Variants in UIMC1 observed in about 807,000 individuals in gnomAD.
UIMC1 encodes the protein BRCA1-A complex subunit RAP80.
UIMC1 carries 42 observed loss-of-function variants against 84.9 expected under a neutral mutation model. That is an observed-to-expected ratio of 0.49 (90% confidence interval 0.39 to 0.64). The LOEUF is 0.64. UIMC1 is among the 30% of genes least tolerant of loss of function. UIMC1 has a pLI of 0.00. For synonymous variants in UIMC1, 281 were observed against 293.0 expected, an observed-to-expected ratio of 0.96 and a Z score of 0.42; for missense variants, 825 against 847.6, an observed-to-expected ratio of 0.97 and a Z score of 0.33.
At chr5:176,982,389 A>C in intron 2 of UIMC1, 80 bp downstream of exon 2, 1 of 1,494,956 alleles carries the variant, frequency 6.7e-7, no homozygotes, top group Non-Finnish European at 9.0e-7. Flanking sequence ...AGGTGAAGTC[A>C]GTCACGAAAC....
chr5:176,933,264 T>A (rs1464780392), intron 10 of UIMC1, among the ~76,000 whole-genome samples: 2 of 152,298 alleles, frequency 1.3e-5, no homozygotes, highest in South Asian at 2.1e-4. Context: ...GAATTCTTCT[T>A]CGAAGAAGAA....
chr5:176,933,195 C>T (rs1371402406), intron 10 of UIMC1, among the ~76,000 whole-genome samples: 1 of 152,138 alleles, frequency 6.6e-6, no homozygotes, highest in Non-Finnish European at 1.5e-5. Flanking sequence ...TTATAAAGAA[C>T]TTGTATAAAC....
intron 10 of UIMC1, among the ~76,000 whole-genome samples, chr5:176,925,840 T>C (rs546324849): frequency 5.9e-5 from 9 of 152,320 alleles, no homozygotes; most frequent in Non-Finnish European, 1.3e-4. Flanking sequence ...TATACGCATA[T>C]GCCCAAACTC....
intron 1 of UIMC1, among the ~76,000 whole-genome samples, chr5:177,005,776 T>C (rs1775167953): frequency 6.6e-6 from 1 of 152,062 alleles, no homozygotes; most frequent in Admixed American, 6.6e-5. Flanking sequence ...CATTTCTATA[T>C]CTCGGTGCGA....
chr5:177,009,005 G>GT (rs1411410084), upstream of UIMC1, among the ~76,000 whole-genome samples: 11 of 151,478 alleles, frequency 7.3e-5, no homozygotes, highest in African/African-American at 2.4e-4. This position sits in a 1 kb window ranked among gnomAD's most constrained non-coding sequence, Gnocchi z 4.3. Context: ...TATGTTTATG[G>GT]TTTTTTGGTG....
chr5:176,975,828 A>T (rs1769974243), intron 2 of UIMC1, among the ~76,000 whole-genome samples: 1 of 152,234 alleles, frequency 6.6e-6, no homozygotes, highest in Admixed American at 6.5e-5. Flanking sequence ...CTCAGCGTGT[A>T]TTCATTTATT....
At chr5:176,907,009 G>T in intron 13 of UIMC1, 105 bp downstream of exon 13, 2 of 1,178,194 alleles carry the variant, frequency 1.7e-6, no homozygotes, top group Non-Finnish European at 2.5e-6. Context: ...ACTGGATCAC[G>T]TGTGTACCCA....
intron 1 of UIMC1, among the ~76,000 whole-genome samples, chr5:176,994,336 G>T (rs1201855741): frequency 2.0e-5 from 3 of 152,004 alleles, no homozygotes; most frequent in Non-Finnish European, 2.9e-5. Context: ...TATTCATCAA[G>T]AAATTACAAA....
intron 2 of UIMC1, among the ~76,000 whole-genome samples, chr5:176,975,980 C>T (rs905256202): frequency 6.6e-6 from 1 of 151,826 alleles, no homozygotes; most frequent in East Asian, 1.9e-4. Flanking sequence ...ACAAAATAAT[C>T]AAGAAAACAA....
chr5:176,979,248 T>C (rs1770636222), intron 2 of UIMC1, among the ~76,000 whole-genome samples: 1 of 152,214 alleles, frequency 6.6e-6, no homozygotes, highest in Non-Finnish European at 1.5e-5. Flanking sequence ...ACGTATGCTG[T>C]TCAGGGATAC....
chr5:176,987,825 C>CA (rs908974732), intron 1 of UIMC1, among the ~76,000 whole-genome samples: 90 of 139,344 alleles, frequency 6.5e-4, no homozygotes, highest in South Asian at 5.7e-3. Context: ...CCCTGTCTCA[C>CA]AAAAAAAAAA....
At chr5:176,975,028 T>C (rs1769848998) in intron 3 of UIMC1, among the ~76,000 whole-genome samples, 2 of 151,722 alleles carry the variant, frequency 1.3e-5, no homozygotes, top group African/African-American at 4.8e-5. Flanking sequence ...TGGGGCATAG[T>C]TGGGAAGCTG....
At chr5:176,992,153 C>A (rs1772962472) in intron 1 of UIMC1, among the ~76,000 whole-genome samples, 1 of 152,068 alleles carries the variant, frequency 6.6e-6, no homozygotes, top group Non-Finnish European at 1.5e-5. Flanking sequence ...ACTTAGAGAA[C>A]TGCCAGCCAA....
chr5:176,948,441 C>A (rs1270803899), intron 9 of UIMC1, among the ~76,000 whole-genome samples: 1 of 152,174 alleles, frequency 6.6e-6, no homozygotes, highest in African/African-American at 2.4e-5. Flanking sequence ...CACCTGCAAA[C>A]CAACAGAGTA....
intron 1 of UIMC1, among the ~76,000 whole-genome samples, chr5:177,013,402 A>ACACACACACACAC (rs1561942057): frequency 6.6e-6 from 1 of 150,774 alleles, no homozygotes; most frequent in African/African-American, 2.4e-5. Context: ...ACACACACAC[A>ACACACACACACAC]AAGATACTTT....
chr5:177,002,932 G>C (rs1774745242), intron 1 of UIMC1, among the ~76,000 whole-genome samples: 1 of 152,060 alleles, frequency 6.6e-6, no homozygotes, highest in African/African-American at 2.4e-5. Flanking sequence ...TTGCACTTTT[G>C]TCTCCTGACA....
chr5:177,001,390 C>CA (rs1774422828), intron 1 of UIMC1: 1 of 152,032 alleles, frequency 6.6e-6, no homozygotes, highest in Non-Finnish European at 1.5e-5. Flanking sequence ...TGAAAGAAAT[C>CA]AAAGATCTAA....
chr5:177,001,676 C>T (rs1295741007), intron 1 of UIMC1, among the ~76,000 whole-genome samples: 3 of 151,664 alleles, frequency 2.0e-5, no homozygotes, highest in South Asian at 2.1e-4. Context: ...CAGTGGCTCA[C>T]GCCTGTAATC....
At chr5:176,923,905 AC>A (rs1762051228) in intron 10 of UIMC1, among the ~76,000 whole-genome samples, 1 of 84,168 alleles carries the variant, frequency 1.2e-5, no homozygotes, top group Non-Finnish European at 2.4e-5. Flanking sequence ...ACACAGACAC[AC>A]ACACACACAC....
Sources: gnomAD v4.1 joint callset for allele counts (sites outside exome capture counted in the v4.1 genomes callset) on GRCh38, gnomAD v4.1.1 for gene constraint, Gnocchi (gnomAD v3.1) non-coding constraint, MANE v1.5 for transcripts, NCBI Gene and HGNC (gene_info 2026-07-23, HGNC 2026-07-21) for gene names.